Variants in HEATR1 observed in about 807,000 individuals in gnomAD.
HEATR1 encodes the protein HEAT repeat-containing protein 1.
Under a neutral mutation model 248.2 loss-of-function variants are expected in HEATR1, and 77 were observed. That is an observed-to-expected ratio of 0.31 (90% CI 0.26 to 0.37). The LOEUF is 0.37. HEATR1 is among the 10% of genes least tolerant of loss of function. The pLI is 1.00. For missense variants in HEATR1, 2,420 were observed against 2,504.9 expected (o/e 0.97, Z 0.72); for synonymous variants, 897 against 923.1 (o/e 0.97, Z 0.51).
chr1:236,597,069 G>C (rs890327440), intron 5 of HEATR1, 93 bp from the exon 6 acceptor site: 1 of 1,068,716 alleles, frequency 9.4e-7, no homozygotes. Flanking sequence ...AGATTTCAAT[G>C]AACTATGATG....
intron 9 of HEATR1, among the ~76,000 whole-genome samples, 189 bp downstream of exon 9, chr1:236,593,823 C>T (rs1332327329): frequency 6.6e-6 from 1 of 152,132 alleles, no homozygotes; most frequent in African/African-American, 2.4e-5. Flanking sequence ...GCACTAAAGA[C>T]ATGCAAGAAA....
rs61730304 is a variant in HEATR1, at chr1:236,571,596, T to C, written c.3798A>G (p.Leu1266=). ...LSCLLNICQK[L]SPDGGKIPKD... ...TGGGTATTTTGCCACCATCTGGAGA[T>C]AGTTTTTGGCAGATGTTGAGCAGAC... The change falls in exon 27 of 45, where the codon CTA becomes CTG. Residue 1266 remains leucine, a synonymous_variant. Transcript: ENST00000366582. 6.0e-3 allele frequency: 9,675 copies of C among 1,613,992 alleles called. 408 individuals carry two copies. In the African/African-American group the frequency reaches 0.1, roughly 17 times the overall value.
intron 17 of HEATR1, 56 bp downstream of exon 17, chr1:236,584,969 G>T: frequency 4.1e-6 from 6 of 1,466,084 alleles, no homozygotes; most frequent in Non-Finnish European, 5.6e-6. Context: ...GTGACTAATA[G>T]GCCAGGCTGT....
chr1:236,556,088 A>T lies in HEATR1; in HGVS notation c.5514+12T>A, dbSNP rs920813413. 1.9e-6 allele frequency: 3 copies of T among 1,614,128 alleles called. No homozygotes were observed. In the East Asian group the frequency reaches 6.7e-5, roughly 36 times the overall value. On this transcript the variant is annotated intron_variant, in intron 38 of 44. Transcript: ENST00000366582. The stretch of plus-strand genomic sequence containing the variant: ...CCCTTCTCCAAAGTCTTAATACCCA[A>T]TAAGATCTAACCTTCCAGTTCTTCT...
chr1:236,584,959 G>A, intron 17 of HEATR1, 66 bp downstream of exon 17: 1 of 1,383,908 alleles, frequency 7.2e-7, no homozygotes, highest in African/African-American at 1.4e-5. Context: ...CAGTTTTGCT[G>A]TGACTAATAG....
intron 20 of HEATR1, among the ~76,000 whole-genome samples, chr1:236,579,891 C>CT (rs1394516238): frequency 6.6e-6 from 1 of 151,534 alleles, no homozygotes; most frequent in East Asian, 1.9e-4. Context: ...ATCTAACTTG[C>CT]TTTCACAGAA....
rs765235779 is a variant in HEATR1, at chr1:236,590,965, CAACATAGTTATCAAATGATTTCACTTA to C, written c.1423-38_1423-12del. The C allele has an allele frequency of 7.7e-7, 1 of 1,306,474 alleles. No individual in the cohort carries two copies. Among genetic ancestry groups the C allele is most frequent in the Non-Finnish European group, 1.0e-6 (1 of 969,408 alleles). The allele number at this position is 1,306,474 out of a possible 1,614,324, so 80.9% of individuals were successfully genotyped here. On this transcript the variant is annotated splice_polypyrimidine_tract_variant and intron_variant, in intron 11 of 44. Transcript: ENST00000366582. ...AGAATCTGCTAAAAACTACAGGGTT[CAACATAGTTATCAAATGATTTCACTTA>C]ATCTGAACAGTCTATGATCAAGAAT...
Position 236,550,858 on chromosome 1 carries a change from A to G in HEATR1, c.*44T>C, listed in dbSNP as rs112787187. The G allele has an allele frequency of 2.1e-5, 30 of 1,428,682 alleles. No homozygotes were observed. The highest frequency in any genetic ancestry group is 3.6e-4 in the Middle Eastern group (2 of 5,562). The allele number at this position is 1,428,682 out of a possible 1,614,324, so 88.5% of individuals were successfully genotyped here. ...ACACCCAAAAATAAAAATATGAAAT[A>G]TGAGTGTGAACTCTGAGTAGAGTAT... On this transcript the variant is annotated 3_prime_UTR_variant, in exon 45 of 45. Coordinates refer to ENST00000366582, the MANE Select transcript of HEATR1 (RefSeq NM_018072.6).
rs1167382098 is a variant in HEATR1 at position 236,604,090 on chromosome 1, C to A, written c.6G>T (p.Thr2=). 6.4e-7 allele frequency: 1 copy of A among 1,558,276 alleles called. No individual in the cohort carries two copies. Among genetic ancestry groups the A allele is most frequent in the Non-Finnish European group, 8.6e-7 (1 of 1,160,222 alleles). The change falls in exon 2 of 45, where the codon ACG becomes ACT. Residue 2 remains threonine, a synonymous_variant. Transcript: ENST00000366582. M[T]SLAQQLQRLA... ...GTCGTTGCAGCTGCTGGGCTAAGGA[C>A]GTCATCTTTCACGCCAGCGGAGTTT...
chr1:236,551,894 T>C (rs1385758854), intron 44 of HEATR1, 105 bp downstream of exon 44: 17 of 752,968 alleles, frequency 2.3e-5, no homozygotes, highest in African/African-American at 3.4e-5. Context: ...GATCAACTGC[T>C]AGTCACGTTA....
intron 20 of HEATR1, among the ~76,000 whole-genome samples, chr1:236,578,830 A>G (rs774122296): frequency 2.1e-4 from 32 of 152,258 alleles, no homozygotes; most frequent in Middle Eastern, 6.8e-3. Flanking sequence ...CCAGTTCAAC[A>G]ACATTGAAAA....
chr1:236,600,117 C>CTTT (rs1558193919), intron 3 of HEATR1, among the ~76,000 whole-genome samples: 3 of 83,316 alleles, frequency 3.6e-5, no homozygotes, highest in South Asian at 4.1e-4. Flanking sequence ...GGTCTGTCAA[C>CTTT]ATTTTTTTTT....
chr1:236,555,521 CA>C, intron 40 of HEATR1, 29 bp downstream of exon 40: 1 of 1,614,012 alleles, frequency 6.2e-7, no homozygotes. Flanking sequence ...AATCTGAGCA[CA>C]AAAGAGAGGA....
intron 28 of HEATR1, 144 bp downstream of exon 28, chr1:236,571,207 G>A (rs1406771613): frequency 4.0e-6 from 4 of 1,001,108 alleles, no homozygotes; most frequent in Non-Finnish European, 5.7e-6. Flanking sequence ...TCCCAGCTAT[G>A]AAGAGGCAGG....
chr1:236,570,824 C>T (rs761971420), intron 28 of HEATR1, among the ~76,000 whole-genome samples: 1 of 151,854 alleles, frequency 6.6e-6, no homozygotes, highest in Non-Finnish European at 1.5e-5. Context: ...CATGGAGAAC[C>T]CCAGGTTAAG....
chr1:236,549,684 C>A lies in HEATR1; in HGVS notation c.*1218G>T, dbSNP rs1662626712. The A allele has an allele frequency of 6.6e-6, 1 of 152,036 alleles. No homozygotes were observed. Among genetic ancestry groups the A allele is most frequent in the Non-Finnish European group, 1.5e-5 (1 of 68,016 alleles). 9.4% of individuals were successfully genotyped at this position (152,036 alleles called of 1,614,324 possible). On this transcript the variant is annotated 3_prime_UTR_variant, in exon 45 of 45. Coordinates refer to ENST00000366582, the MANE Select transcript of HEATR1 (RefSeq NM_018072.6). The stretch of plus-strand genomic sequence containing the variant: ...GTAGAAGGCAAGAAGACTCGAGAAT[C>A]CCCCAGAGTTATTTTTCTCCATAAA...
At chr1:236,593,022 T>C (rs1270277979) in intron 9 of HEATR1, among the ~76,000 whole-genome samples, 5 of 152,174 alleles carry the variant, frequency 3.3e-5, no homozygotes, top group Non-Finnish European at 5.9e-5. Context: ...TGGTGAAACC[T>C]TGTCTCTACT....
chr1:236,603,144 T>C lies in HEATR1; in HGVS notation c.359+16A>G, dbSNP rs1480128737. 6.3e-7 allele frequency: 1 copy of C among 1,587,166 alleles called. No homozygotes were observed. The highest frequency in any genetic ancestry group is 1.3e-5 in the African/African-American group (1 of 74,416). On this transcript the variant is annotated intron_variant, in intron 3 of 44. Coordinates refer to ENST00000366582, the MANE Select transcript of HEATR1 (RefSeq NM_018072.6). ...AGTGATTAACCCATAGTTATTTCTG[T>C]AATTCTATTAGCTACCTGTGAATCA...
intron 33 of HEATR1, 60 bp from the exon 34 acceptor site, chr1:236,559,897 T>C: frequency 6.7e-7 from 1 of 1,499,404 alleles, no homozygotes; most frequent in East Asian, 2.4e-5. Flanking sequence ...AACTTGTTCA[T>C]GTCTACCTTA....
Sources: allele counts gnomAD v4.1 joint callset (sites outside exome capture counted in the v4.1 genomes callset), GRCh38; gene constraint gnomAD v4.1.1; transcripts MANE v1.5; gene names NCBI Gene and HGNC (gene_info 2026-07-23, HGNC 2026-07-21).